The following POGLUT2 variants were observed in gnomAD, a reference collection of about 807,000 sequenced individuals.
POGLUT2 encodes protein O-glucosyltransferase 2.
Under a neutral mutation model 57.6 loss-of-function variants are expected in POGLUT2, and 47 were observed. That is an observed-to-expected ratio of 0.82 (90% CI 0.65 to 1.04). The LOEUF is 1.04. Among genes scored for constraint, POGLUT2 ranks in the 50% least tolerant of loss-of-function variants. The pLI is 0.00. For synonymous variants in POGLUT2, 200 were observed against 218.8 expected (o/e 0.91, Z 0.76); for missense variants, 565 against 614.8 (o/e 0.92, Z 0.86).
intron 2 of POGLUT2, 82 bp downstream of exon 2, chr13:102,796,718 ATATC>A (rs1878411419): frequency 6.0e-5 from 24 of 401,658 alleles, no homozygotes; most frequent in African/African-American, 1.5e-4. Flanking sequence ...ATATATATAT[ATATC>A]ATGCCAAGTT....
In POGLUT2 at chr13:102,796,966, A is replaced by G. The variant is rs1234625872; in HGVS notation, c.226T>C (p.Ser76Pro). Residue 76 changes from serine (S) to proline (P), a missense_variant, in exon 2 of 10, where the codon TCA becomes CCA. Coordinates refer to ENST00000376004, the MANE Select transcript of POGLUT2 (RefSeq NM_024089.3). ...PGEKVFQVKV[S>P]APEEQFTRVG... ...CTAGTGAATTGCTCCTCTGGTGCTG[A>G]GACTTTCACCTGGAAGACCTTTTCG... 1 of 1,613,646 alleles carries G rather than the reference A, an allele frequency of 6.2e-7. No homozygotes were observed.
chr13:102,797,758 C>T (rs968635475), intron 1 of POGLUT2, among the ~76,000 whole-genome samples: 4 of 151,766 alleles, frequency 2.6e-5, no homozygotes, highest in East Asian at 1.9e-4. Flanking sequence ...AAAAAACTCA[C>T]GCTCAGCCAT....
At chr13:102,792,231 A>C in intron 4 of POGLUT2, 2 of 307,900 alleles carry the variant, frequency 6.5e-6, no homozygotes, top group Non-Finnish European at 9.5e-6. Flanking sequence ...TATACATGCA[A>C]ATTATTCAAC....
At position 102,787,844 on chromosome 13, in the gene POGLUT2, T is replaced by C; in HGVS notation, c.1373A>G (p.Lys458Arg). 1 of 1,555,424 alleles carries C rather than the reference T, an allele frequency of 6.4e-7. No individual in the cohort carries two copies. The highest frequency in any genetic ancestry group is 8.8e-7 in the Non-Finnish European group (1 of 1,140,156). The change falls in exon 8 of 10, where the codon AAA becomes AGA. Residue 458 changes from lysine (K) to arginine (R), a missense_variant. Lys to Arg is a conservative substitution (Grantham distance 26). Transcript: ENST00000376004. ...MGDDIFCYYF[K>R]LFQEYANLQV... ...TTGGAAAATACTGACCTGGAAAAGT[T>C]TGAAATAATAACAGAATATGTCATC...
At chr13:102,795,629 C>A (rs1373674215) in intron 2 of POGLUT2, among the ~76,000 whole-genome samples, 1 of 152,162 alleles carries the variant, frequency 6.6e-6, no homozygotes, top group Non-Finnish European at 1.5e-5. Flanking sequence ...AATTTTATAA[C>A]AAATTAATTA....
rs1878071494 is a variant in POGLUT2 at position 102,789,150 on chromosome 13, ACTGTCACCAAC to A, written c.1144_1154del (p.Val382CysfsTer11). 1 of 1,614,002 alleles carries A rather than the reference ACTGTCACCAAC, an allele frequency of 6.2e-7. No individual in the cohort carries two copies. ...AGATGGAATCCTGCTTCAGCACAAC[ACTGTCACCAAC>A]TAGCAAATATGGCAGGCGATAAGCT... On this transcript the variant is annotated frameshift_variant, in exon 7 of 10. Transcript: ENST00000376004. LOFTEE classifies it high-confidence loss of function.
intron 2 of POGLUT2, 78 bp downstream of exon 2, chr13:102,796,726 C>A: frequency 5.9e-6 from 3 of 505,110 alleles, no homozygotes; most frequent in Non-Finnish European, 1.0e-5. Flanking sequence ...ATATATCATG[C>A]CAAGTTGTTT....
At chr13:102,792,101 T>C in intron 4 of POGLUT2, 1 of 1,284,862 alleles carries the variant, frequency 7.8e-7, no homozygotes, top group Admixed American at 2.3e-5. Context: ...GATGTCTTAG[T>C]TTAAAGGAGG....
intron 9 of POGLUT2, among the ~76,000 whole-genome samples, chr13:102,785,943 G>T (rs940492473): frequency 2.0e-5 from 3 of 152,190 alleles, no homozygotes; most frequent in Non-Finnish European, 2.9e-5. Context: ...ATATTTTTCA[G>T]ACTGTAAGCA....
At chr13:102,795,812 C>G (rs985075043) in intron 2 of POGLUT2, among the ~76,000 whole-genome samples, 1 of 150,960 alleles carries the variant, frequency 6.6e-6, no homozygotes, top group Non-Finnish European at 1.5e-5. Context: ...AAGTGTTTAC[C>G]TTTTCTTACT....
chr13:102,793,198 A>T (rs1262667543), intron 4 of POGLUT2, 143 bp downstream of exon 4: 3 of 565,054 alleles, frequency 5.3e-6, no homozygotes, highest in Non-Finnish European at 9.5e-6. Flanking sequence ...AGGTACCTGA[A>T]ATAACAGAAA....
chr13:102,798,367 T>C (rs1397561888), intron 1 of POGLUT2, 122 bp downstream of exon 1: 1 of 853,924 alleles, frequency 1.2e-6, no homozygotes, highest in Non-Finnish European at 1.8e-6. Context: ...GAAAAATGGG[T>C]AACCAAATAT....
intron 7 of POGLUT2, 79 bp downstream of exon 7, chr13:102,788,933 T>C (rs1490382177): frequency 8.1e-7 from 1 of 1,233,800 alleles, no homozygotes; most frequent in Non-Finnish European, 1.2e-6. Context: ...CTGGATGCTC[T>C]CCAGGTACAA....
At chr13:102,788,244 C>T (rs189818062) in intron 7 of POGLUT2, among the ~76,000 whole-genome samples, 26 of 152,302 alleles carry the variant, frequency 1.7e-4, no homozygotes, top group Admixed American at 3.3e-4. Context: ...TCACAAATTT[C>T]AGGAGACAAT....
intron 2 of POGLUT2, among the ~76,000 whole-genome samples, chr13:102,795,602 A>G (rs1342364701): frequency 2.0e-5 from 3 of 152,160 alleles, no homozygotes; most frequent in Non-Finnish European, 4.4e-5. Context: ...GTAATTCTCA[A>G]AACAGTCCAC....
At chr13:102,796,688 A>T (rs1878403893) in intron 2 of POGLUT2, 116 bp downstream of exon 2, 4 of 66,582 alleles carry the variant, frequency 6.0e-5, no homozygotes, top group East Asian at 3.6e-4. Flanking sequence ...TTCAGTAAAA[A>T]AAAAAAAAAA....
intron 8 of POGLUT2, among the ~76,000 whole-genome samples, chr13:102,787,420 A>G (rs1391712737): frequency 6.6e-6 from 1 of 152,236 alleles, no homozygotes; most frequent in Non-Finnish European, 1.5e-5. Flanking sequence ...GCTTAGGTCC[A>G]TGGAAATAAT....
chr13:102,787,978 G>T, intron 7 of POGLUT2, 55 bp from the exon 8 acceptor site: 1 of 1,105,496 alleles, frequency 9.0e-7, no homozygotes, highest in Admixed American at 1.9e-5. Context: ...TCCCATGCAG[G>T]CATCTGCAAA....
At position 102,791,306 on chromosome 13, in the gene POGLUT2, A is replaced by G; in HGVS notation, c.797T>C (p.Val266Ala). The change falls in exon 5 of 10, where the codon GTG (valine) becomes GCG (alanine). Residue 266 changes from valine (V) to alanine (A), a missense_variant. Transcript: ENST00000376004. Reference protein sequence around the residue: ...WCGSTDSKDIVMPTYDLTDSV... With the variant: ...WCGSTDSKDIAMPTYDLTDSV... ...ATCAGTCAAATCGTACGTAGGCATC[A>G]CGATATCCTTGGAATCTGTGGAGCC... The G allele has an allele frequency of 6.2e-7, 1 of 1,610,248 alleles. No homozygotes were observed. Among genetic ancestry groups the G allele is most frequent in the Non-Finnish European group, 8.5e-7 (1 of 1,179,166 alleles).
Sources: allele counts gnomAD v4.1 joint callset (sites outside exome capture counted in the v4.1 genomes callset), GRCh38; gene constraint gnomAD v4.1.1; transcripts MANE v1.5; gene names NCBI Gene and HGNC (gene_info 2026-07-23, HGNC 2026-07-21).